Variants in ADRA2A observed in about 807,000 individuals in gnomAD.
ADRA2A encodes adrenoceptor alpha 2A.
Under a neutral mutation model 5.9 loss-of-function variants are expected in ADRA2A, and 6 were observed. The observed-to-expected ratio is 1.01, with a 90% CI of 0.55 to 2.00. The LOEUF is 2.00. Ranked by LOEUF, ADRA2A falls within the 30% of genes most tolerant of loss-of-function variation. The pLI, the probability that ADRA2A is intolerant of heterozygous loss-of-function variation, is 0.00. For synonymous variants in ADRA2A, 345 were observed against 325.9 expected, an observed-to-expected ratio of 1.06 and a Z score of -0.63; for missense variants, 647 against 690.0, an observed-to-expected ratio of 0.94 and a Z score of 0.70.
At position 111,079,335 on chromosome 10, in the gene ADRA2A, G is replaced by A; in HGVS notation, c.1339G>A (p.Asp447Asn). The A allele has an allele frequency of 6.2e-7, 1 of 1,614,084 alleles. No homozygotes were observed. The highest frequency in any genetic ancestry group is 8.5e-7 in the Non-Finnish European group (1 of 1,180,018). Residue 447 changes from aspartate (D) to asparagine (N), a missense_variant, in exon 1 of 1, where the codon GAT becomes AAT. Around this residue, in one of 3 missense-constraint regions of ADRA2A, gnomAD observed 62 missense variants for 59.8 expected, o/e 1.04. Coordinates refer to ENST00000280155, the MANE Select transcript of ADRA2A (RefSeq NM_000681.4). Reference sequence around the variant, plus strand: ...GGTCATCTACACCATCTTCAACCACGATTTCCGCCGCGCCTTCAAGAAGAT... The same window carrying A: ...GGTCATCTACACCATCTTCAACCACAATTTCCGCCGCGCCTTCAAGAAGAT... Reference protein sequence around the residue: ...NPVIYTIFNHDFRRAFKKILC... With the variant: ...NPVIYTIFNHNFRRAFKKILC...
Position 111,079,383 on chromosome 10 carries a change from C to CGGATCGTGT in ADRA2A, c.1389_1397dup (p.Val465_Ter466insTrpIleVal). On this transcript the variant is annotated inframe_insertion, in exon 1 of 1. Coordinates refer to ENST00000280155, the MANE Select transcript of ADRA2A (RefSeq NM_000681.4). Reference sequence around the variant, plus strand: ...GATCCTCTGTCGGGGGGACAGGAAGCGGATCGTGTGAGGTTTCCGCTGGCG... The same window carrying CGGATCGTGT: ...GATCCTCTGTCGGGGGGACAGGAAGCGGATCGTGTGGATCGTGTGAGGTTTCCGCTGGCG... 1 of 1,613,810 alleles carries CGGATCGTGT rather than the reference C, an allele frequency of 6.2e-7. No individual in the cohort carries two copies. Among genetic ancestry groups the CGGATCGTGT allele is most frequent in the Non-Finnish European group, 8.5e-7 (1 of 1,179,980 alleles).
chr10:111,078,951 C>T lies in ADRA2A; in HGVS notation c.955C>T (p.Arg319Trp), dbSNP rs1458272935. The change falls in exon 1 of 1, where the codon CGG becomes TGG. Residue 319 changes from arginine to tryptophan, a missense_variant. By Grantham distance (101) the Arg-to-Trp change is moderately radical (BLOSUM62 -3). Transcript: ENST00000280155. Reference sequence around the variant, plus strand: ...GAGCTCGTCTTCCGACCACGCCGAGCGGCCTCCAGGGCCCCGCAGACCCGA... The same window carrying T: ...GAGCTCGTCTTCCGACCACGCCGAGTGGCCTCCAGGGCCCCGCAGACCCGA... ...EESSSSDHAE[R>W]PPGPRRPERG... 1 of 1,237,828 alleles carries T rather than the reference C, an allele frequency of 8.1e-7. No individual in the cohort carries two copies. Among genetic ancestry groups the T allele is most frequent in the Non-Finnish European group, 1.0e-6 (1 of 991,010 alleles). 76.7% of individuals were successfully genotyped at this position (1,237,828 alleles called of 1,614,324 possible). A position where few individuals can be genotyped will look rare whatever the true frequency, so the allele number is the denominator to read the frequency against.
At position 111,079,077 on chromosome 10, in the gene ADRA2A, G is replaced by T; in HGVS notation, c.1081G>T (p.Ala361Ser). ...GGGGGCGACGGGGATCGGGACGCCG[G>T]CTGCAGGGCCGGGGGAGGAGCGCGT... ...GPGATGIGTPAAGPGEERVGA... is the reference protein window; with the variant it reads ...GPGATGIGTPSAGPGEERVGA... Residue 361 changes from alanine (A) to serine (S), a missense_variant, in exon 1 of 1, where the codon GCT becomes TCT. Ala to Ser is a moderately conservative substitution (Grantham distance 99). Transcript: ENST00000280155. 7.2e-7 allele frequency: 1 copy of T among 1,396,782 alleles called. No homozygotes were observed. Among genetic ancestry groups the T allele is most frequent in the Non-Finnish European group, 9.3e-7 (1 of 1,080,580 alleles). The allele number at this position is 1,396,782 out of a possible 1,614,324, so 86.5% of individuals were successfully genotyped here. A position where few individuals can be genotyped will look rare whatever the true frequency, so the allele number is the denominator to read the frequency against.
Position 111,078,549 on chromosome 10 carries a change from A to T in ADRA2A, c.553A>T (p.Ile185Phe). ...ISAVISFPPLISIEKKGGGGG... is the reference protein window; with the variant it reads ...ISAVISFPPLFSIEKKGGGGG... ...GGCCGTCATCTCCTTCCCGCCGCTC[A>T]TCTCCATCGAGAAGAAGGGCGGCGG... The change falls in exon 1 of 1, where the codon ATC (isoleucine) becomes TTC (phenylalanine). Residue 185 changes from isoleucine (I) to phenylalanine (F), a missense_variant. Ile to Phe is a conservative substitution (Grantham distance 21). This residue lies in a region of ADRA2A where 577 missense variants were observed against 605.4 expected (regional missense o/e 0.95). Coordinates refer to ENST00000280155, the MANE Select transcript of ADRA2A (RefSeq NM_000681.4). 6.2e-7 allele frequency: 1 copy of T among 1,608,972 alleles called. No individual in the cohort carries two copies. Among genetic ancestry groups the T allele is most frequent in the Middle Eastern group, 1.7e-4 (1 of 6,054 alleles).
rs779035240 is a variant in ADRA2A at position 111,078,195 on chromosome 10, G to A, written c.199G>A (p.Val67Met). 1 of 1,612,880 alleles carries A rather than the reference G, an allele frequency of 6.2e-7. No homozygotes were observed. The highest frequency in any genetic ancestry group is 8.5e-7 in the Non-Finnish European group (1 of 1,179,866). Residue 67 changes from valine (V) to methionine (M), a missense_variant, in exon 1 of 1, where the codon GTG becomes ATG. Transcript: ENST00000280155. ...CATGCTGCTCACCGTGTTCGGCAAC[G>A]TGCTCGTCATCATCGCCGTGTTCAC... ...LLMLLTVFGN[V>M]LVIIAVFTSR... is the part of the protein sequence containing the mutation.
In ADRA2A at chr10:111,079,077, G is replaced by A. The variant is rs1315199629; in HGVS notation, c.1081G>A (p.Ala361Thr). ...GGGGGCGACGGGGATCGGGACGCCG[G>A]CTGCAGGGCCGGGGGAGGAGCGCGT... Reference protein sequence around the residue: ...GPGATGIGTPAAGPGEERVGA... With the variant: ...GPGATGIGTPTAGPGEERVGA... Residue 361 changes from alanine (A) to threonine (T), a missense_variant, in exon 1 of 1, where the codon GCT becomes ACT. By Grantham distance (58) the Ala-to-Thr change is moderately conservative. This residue lies in a region of ADRA2A where 577 missense variants were observed against 605.4 expected (regional missense o/e 0.95). Transcript: ENST00000280155. 2.1e-6 allele frequency: 3 copies of A among 1,396,676 alleles called. No individual in the cohort carries two copies. Among genetic ancestry groups the A allele is most frequent in the Non-Finnish European group, 2.8e-6 (3 of 1,080,590 alleles). The allele number at this position is 1,396,676 out of a possible 1,614,324, so 86.5% of individuals were successfully genotyped here.
rs982112929 is a variant in ADRA2A at position 111,078,524 on chromosome 10, G to C, written c.528G>C (p.Ser176=). 3 of 1,609,956 alleles carry C rather than the reference G, an allele frequency of 1.9e-6. No homozygotes were observed. The African/African-American group carries it at 4.0e-5, about 22-fold the overall frequency. The change falls in exon 1 of 1, where the codon TCG becomes TCC. Residue 176 remains serine (S), a synonymous_variant. Transcript: ENST00000280155. The stretch of plus-strand genomic sequence containing the variant: ...TCATCATCACCGTGTGGGTCATCTC[G>C]GCCGTCATCTCCTTCCCGCCGCTCA... ...KAIIITVWVI[S]AVISFPPLIS...
At position 111,078,974 on chromosome 10, in the gene ADRA2A, C is replaced by A; in HGVS notation, c.978C>A (p.Pro326=). Residue 326 remains proline (P), a synonymous_variant, in exon 1 of 1, where the codon CCC becomes CCA. Coordinates refer to ENST00000280155, the MANE Select transcript of ADRA2A (RefSeq NM_000681.4). ...AGCGGCCTCCAGGGCCCCGCAGACC[C>A]GAGCGCGGTCCCCGGGGCAAAGGCA... ...HAERPPGPRR[P]ERGPRGKGKA... is the part of the protein sequence containing the mutation. The A allele has an allele frequency of 8.1e-7, 1 of 1,235,444 alleles. No homozygotes were observed. The allele number at this position is 1,235,444 out of a possible 1,614,324, so 76.5% of individuals were successfully genotyped here.
Position 111,078,463 on chromosome 10 carries a change from A to G in ADRA2A, c.467A>G (p.Tyr156Cys). 1 of 1,613,686 alleles carries G rather than the reference A, an allele frequency of 6.2e-7. No individual in the cohort carries two copies. The highest frequency in any genetic ancestry group is 8.5e-7 in the Non-Finnish European group (1 of 1,179,976). ...RYWSITQAIE[Y>C]NLKRTPRRIK... Reference sequence around the variant, plus strand: ...TGGTCCATCACACAGGCCATCGAGTACAACCTGAAGCGCACGCCGCGCCGC... The same window carrying G: ...TGGTCCATCACACAGGCCATCGAGTGCAACCTGAAGCGCACGCCGCGCCGC... Residue 156 changes from tyrosine to cysteine, a missense_variant, in exon 1 of 1, where the codon TAC becomes TGC. Physicochemically the swap from Tyr to Cys is radical, Grantham distance 194. Around this residue, in one of 3 missense-constraint regions of ADRA2A, gnomAD observed 577 missense variants for 605.4 expected, o/e 0.95. Coordinates refer to ENST00000280155, the MANE Select transcript of ADRA2A (RefSeq NM_000681.4).
In ADRA2A at chr10:111,078,280, T is replaced by A; in HGVS notation, c.284T>A (p.Ile95Asn). Reference protein sequence around the residue: ...LFLVSLASADILVATLVIPFS... With the variant: ...LFLVSLASADNLVATLVIPFS... ...CTGGTGTCTCTGGCCTCGGCCGACA[T>A]CCTGGTGGCCACGCTCGTCATCCCT... Residue 95 changes from isoleucine (I) to asparagine (N), a missense_variant, in exon 1 of 1, where the codon ATC becomes AAC. Physicochemically the swap from Ile to Asn is moderately radical, Grantham distance 149 (BLOSUM62 -3). This residue lies in a region of ADRA2A where 577 missense variants were observed against 605.4 expected (regional missense o/e 0.95). Transcript: ENST00000280155. The A allele has an allele frequency of 1.2e-6, 2 of 1,613,778 alleles. No individual in the cohort carries two copies. Among genetic ancestry groups the A allele is most frequent in the Non-Finnish European group, 1.7e-6 (2 of 1,180,014 alleles).
In ADRA2A at chr10:111,078,133, A is replaced by C. The variant is rs758985542; in HGVS notation, c.137A>C (p.Gln46Pro). 1 of 1,601,154 alleles carries C rather than the reference A, an allele frequency of 6.2e-7. No individual in the cohort carries two copies. Among genetic ancestry groups the C allele is most frequent in the East Asian group, 2.3e-5 (1 of 44,376 alleles). Reference protein sequence around the residue: ...GGARATPYSLQVTLTLVCLAG... With the variant: ...GGARATPYSLPVTLTLVCLAG... Reference sequence around the variant, plus strand: ...GCCCGGGCCACCCCTTACTCCCTGCAGGTGACGCTGACGCTGGTGTGCCTG... The same window carrying C: ...GCCCGGGCCACCCCTTACTCCCTGCCGGTGACGCTGACGCTGGTGTGCCTG... Residue 46 changes from glutamine (Q) to proline (P), a missense_variant, in exon 1 of 1, where the codon CAG becomes CCG. By Grantham distance (76) the Gln-to-Pro change is moderately conservative. Transcript: ENST00000280155.
chr10:111,078,555 A>G lies in ADRA2A; in HGVS notation c.559A>G (p.Ile187Val), dbSNP rs746264766. The G allele has an allele frequency of 2.5e-6, 4 of 1,608,846 alleles. No homozygotes were observed. The highest frequency in any genetic ancestry group is 4.5e-5 in the East Asian group (2 of 44,560). The change falls in exon 1 of 1, where the codon ATC becomes GTC. Residue 187 changes from isoleucine to valine, a missense_variant. By Grantham distance (29) the Ile-to-Val change is conservative. Around this residue, in one of 3 missense-constraint regions of ADRA2A, gnomAD observed 577 missense variants for 605.4 expected, o/e 0.95. Coordinates refer to ENST00000280155, the MANE Select transcript of ADRA2A (RefSeq NM_000681.4). The stretch of plus-strand genomic sequence containing the variant: ...CATCTCCTTCCCGCCGCTCATCTCC[A>G]TCGAGAAGAAGGGCGGCGGCGGCGG... Reference protein sequence around the residue: ...AVISFPPLISIEKKGGGGGPQ... With the variant: ...AVISFPPLISVEKKGGGGGPQ...
rs1564745549 is a variant in ADRA2A, at chr10:111,078,553, C to T, written c.557C>T (p.Ser186Phe). Residue 186 changes from serine (S) to phenylalanine (F), a missense_variant, in exon 1 of 1, where the codon TCC becomes TTC. By Grantham distance (155) the Ser-to-Phe change is radical. Coordinates refer to ENST00000280155, the MANE Select transcript of ADRA2A (RefSeq NM_000681.4). ...SAVISFPPLI[S>F]IEKKGGGGGP... ...GTCATCTCCTTCCCGCCGCTCATCT[C>T]CATCGAGAAGAAGGGCGGCGGCGGC... The T allele has an allele frequency of 6.2e-7, 1 of 1,610,068 alleles. No homozygotes were observed. Among genetic ancestry groups the T allele is most frequent in the East Asian group, 2.2e-5 (1 of 44,664 alleles).
At position 111,079,024 on chromosome 10, in the gene ADRA2A, C is replaced by T; in HGVS notation, c.1028C>T (p.Pro343Leu). 7.9e-7 allele frequency: 1 copy of T among 1,259,176 alleles called. No individual in the cohort carries two copies. Among genetic ancestry groups the T allele is most frequent in the Non-Finnish European group, 9.9e-7 (1 of 1,006,896 alleles). The allele number at this position is 1,259,176 out of a possible 1,614,324, so 78.0% of individuals were successfully genotyped here. ...KGKARASQVK[P>L]GDSLPRRGPG... is the part of the protein sequence containing the mutation. ...AAGGCCCGAGCGAGCCAGGTGAAGC[C>T]GGGCGACAGCCTGCCGCGGCGCGGG... The change falls in exon 1 of 1, where the codon CCG becomes CTG. Residue 343 changes from proline to leucine, a missense_variant. Pro to Leu is a moderately conservative substitution (Grantham distance 98, BLOSUM62 -3). Coordinates refer to ENST00000280155, the MANE Select transcript of ADRA2A (RefSeq NM_000681.4).
At position 111,078,684 on chromosome 10, in the gene ADRA2A, G is replaced by A. The variant is rs200429541; in HGVS notation, c.688G>A (p.Val230Ile). The stretch of plus-strand genomic sequence containing the variant: ...CGCTCCCTGCCTCATCATGATCCTG[G>A]TCTACGTGCGCATCTACCAGATCGC... The part of the protein sequence containing the change: ...FFAPCLIMIL[V>I]YVRIYQIAKR... Residue 230 changes from valine (V) to isoleucine (I), a missense_variant, in exon 1 of 1, where the codon GTC becomes ATC. By Grantham distance (29) the Val-to-Ile change is conservative. This residue lies in a region of ADRA2A where 577 missense variants were observed against 605.4 expected (regional missense o/e 0.95). Transcript: ENST00000280155. 6.3e-7 allele frequency: 1 copy of A among 1,575,936 alleles called. No individual in the cohort carries two copies. Among genetic ancestry groups the A allele is most frequent in the Non-Finnish European group, 8.6e-7 (1 of 1,160,078 alleles).
Position 111,080,822 on chromosome 10 carries a change from G to A in ADRA2A, c.*1428G>A, listed in dbSNP as rs12773548. 80 of 166,818 alleles carry A rather than the reference G, an allele frequency of 4.8e-4. No individual in the cohort carries two copies. The highest frequency in any genetic ancestry group is 6.5e-4 in the Non-Finnish European group (44 of 68,110). The allele number at this position is 166,818 out of a possible 1,614,324, so 10.3% of individuals were successfully genotyped here. ...TATGAATGGAGTGGTCCTCTTGTCT[G>A]TTATCTGAGTTTTCAAAAGCTTTAA... On this transcript the variant is annotated 3_prime_UTR_variant, in exon 1 of 1. Coordinates refer to ENST00000280155, the MANE Select transcript of ADRA2A (RefSeq NM_000681.4).
chr10:111,078,226 G>T lies in ADRA2A; in HGVS notation c.230G>T (p.Arg77Leu). 1 of 1,613,538 alleles carries T rather than the reference G, an allele frequency of 6.2e-7. No individual in the cohort carries two copies. Among genetic ancestry groups the T allele is most frequent in the Non-Finnish European group, 8.5e-7 (1 of 1,179,966 alleles). The change falls in exon 1 of 1, where the codon CGC becomes CTC. Residue 77 changes from arginine (R) to leucine (L), a missense_variant. By Grantham distance (102) the Arg-to-Leu change is moderately radical. Transcript: ENST00000280155. ...VLVIIAVFTSRALKAPQNLFL... is the reference protein window; with the variant it reads ...VLVIIAVFTSLALKAPQNLFL... The stretch of plus-strand genomic sequence containing the variant: ...GTCATCATCGCCGTGTTCACGAGCC[G>T]CGCGCTCAAGGCGCCCCAAAACCTC...
rs780278937 is a variant in ADRA2A, at chr10:111,078,170, C to A, written c.174C>A (p.Leu58=). The A allele has an allele frequency of 1.9e-5, 31 of 1,611,260 alleles. No homozygotes were observed. Among genetic ancestry groups the A allele is most frequent in the Non-Finnish European group, 2.4e-5 (28 of 1,179,510 alleles). The change falls in exon 1 of 1, where the codon CTC becomes CTA. Residue 58 remains leucine, a synonymous_variant. Coordinates refer to ENST00000280155, the MANE Select transcript of ADRA2A (RefSeq NM_000681.4). ...CGCTGGTGTGCCTGGCCGGCCTGCT[C>A]ATGCTGCTCACCGTGTTCGGCAACG... ...TLTLVCLAGL[L]MLLTVFGNVL... is the part of the protein sequence containing the mutation.
rs975403983 is a variant in ADRA2A, at chr10:111,080,134, T to C, written c.*740T>C. On this transcript the variant is annotated 3_prime_UTR_variant, in exon 1 of 1. Coordinates refer to ENST00000280155, the MANE Select transcript of ADRA2A (RefSeq NM_000681.4). ...AGGGAAAAGATTTCTGTCCATTTTTTTCCTGTGCCTAACAGCATAATTGCC... is the reference window on the plus strand; with the variant it reads ...AGGGAAAAGATTTCTGTCCATTTTTCTCCTGTGCCTAACAGCATAATTGCC... The C allele has an allele frequency of 6.0e-6, 1 of 167,134 alleles. No individual in the cohort carries two copies. Among genetic ancestry groups the C allele is most frequent in the Admixed American group, 6.5e-5 (1 of 15,294 alleles). The allele number at this position is 167,134 out of a possible 1,614,324, so 10.4% of individuals were successfully genotyped here.
Sources: gnomAD v4.1 joint callset for allele counts on GRCh38, gnomAD v4.1.1 for gene constraint, gnomAD v4.1.1 regional missense constraint, MANE v1.5 for transcripts, NCBI Gene and HGNC (gene_info 2026-07-23, HGNC 2026-07-21) for gene names.